The following ANKS1B variants were observed in gnomAD, a reference collection of about 807,000 sequenced individuals.
ANKS1B encodes ankyrin repeat and sterile alpha motif domain-containing protein 1B.
In ANKS1B, 36 loss-of-function variants were observed where a neutral mutation model predicts 148.3. The ratio of observed to expected loss-of-function variants is 0.24; its 90% CI spans 0.19 to 0.32. The LOEUF is 0.32. Among genes scored for constraint, ANKS1B ranks in the 10% least tolerant of loss-of-function variants. ANKS1B has a pLI of 1.00. For missense variants in ANKS1B, 1,157 were observed against 1,542.6 expected (o/e 0.75, Z 4.19); for synonymous variants, 542 against 560.8 (o/e 0.97, Z 0.47).
chr12:99,441,095 T>G (rs1435311047), intron 11 of ANKS1B, among the ~76,000 whole-genome samples: 2 of 151,904 alleles, frequency 1.3e-5, no homozygotes, highest in Non-Finnish European at 2.9e-5. Flanking sequence ...ATAAATAAAT[T>G]TTTAGAACGG....
chr12:99,483,850 C>T (rs1376633175), intron 10 of ANKS1B, among the ~76,000 whole-genome samples: 1 of 151,870 alleles, frequency 6.6e-6, no homozygotes, highest in Non-Finnish European at 1.5e-5. Context: ...GTAATGTATC[C>T]AGTTTCATTT....
At chr12:99,483,362 GATGAATT>G (rs1325374014) in intron 10 of ANKS1B, among the ~76,000 whole-genome samples, 1 of 151,916 alleles carries the variant, frequency 6.6e-6, no homozygotes, top group African/African-American at 2.4e-5. Context: ...ACTTGATCAT[GATGAATT>G]ATCTTTTTGA....
chr12:99,851,957 C>G (rs1246950319), intron 1 of ANKS1B, among the ~76,000 whole-genome samples: 4 of 152,160 alleles, frequency 2.6e-5, no homozygotes, highest in Non-Finnish European at 5.9e-5. Flanking sequence ...ACAATAAATA[C>G]TTATTAAGCT....
rs574692592 is a variant in ANKS1B at position 99,643,002 on chromosome 12, G to C, written c.1272+12065C>G. Among the ~76,000 whole-genome samples the C allele has an allele frequency of 1.3e-5, 2 of 149,620 alleles. 1 individual carries two copies. The highest frequency in any genetic ancestry group is 4.3e-4 in the South Asian group (2 of 4,626). On this transcript the variant is annotated intron_variant, in intron 9 of 26. Transcript: ENST00000683438. ...ACATTGGGCACACATTGATAATCCAGGATAATCCCCCCCCATCATAAGATC... is the reference window on the plus strand; with the variant it reads ...ACATTGGGCACACATTGATAATCCACGATAATCCCCCCCCATCATAAGATC...
chr12:99,318,985 G>A (rs137949710), intron 12 of ANKS1B, among the ~76,000 whole-genome samples: 1,949 of 152,286 alleles, frequency 0.013, 28 homozygotes, highest in Non-Finnish European at 0.023. Context: ...GCGGTTTTGA[G>A]TGAGTTTCTT....
At chr12:99,674,641 G>A (rs994935809) in intron 8 of ANKS1B, among the ~76,000 whole-genome samples, 2 of 151,712 alleles carry the variant, frequency 1.3e-5, no homozygotes, top group African/African-American at 4.8e-5. Flanking sequence ...AAACTATGAT[G>A]GGAAATGAGT....
chr12:99,864,521 GC>G (rs1246503017), intron 1 of ANKS1B, among the ~76,000 whole-genome samples: 1 of 152,028 alleles, frequency 6.6e-6, no homozygotes, highest in Non-Finnish European at 1.5e-5. Flanking sequence ...CTCCTTGTTT[GC>G]TGTGATAGGG....
chr12:99,038,320 A>G lies in ANKS1B; in HGVS notation c.2778+14837T>C, dbSNP rs2099956790. 2.6e-5 allele frequency among the ~76,000 whole-genome samples: 4 copies of G among 152,150 alleles called. No individual in the cohort carries two copies. In the South Asian group the frequency reaches 8.3e-4, roughly 32 times the overall value. On this transcript the variant is annotated intron_variant, in intron 17 of 26. Coordinates refer to ENST00000683438, the MANE Select transcript of ANKS1B (RefSeq NM_001352186.2). ...GAAACCTCAGGCCAAAAACATTTCCACCGATCCTTAATTCCTTTGATTTAT... is the reference window on the plus strand; with the variant it reads ...GAAACCTCAGGCCAAAAACATTTCCGCCGATCCTTAATTCCTTTGATTTAT...
At chr12:98,950,927 T>C (rs2099853167) in intron 17 of ANKS1B, among the ~76,000 whole-genome samples, 3 of 152,180 alleles carry the variant, frequency 2.0e-5, no homozygotes, top group Admixed American at 1.3e-4. Context: ...TCTCTGTGTG[T>C]TCCTTCTAAT....
chr12:99,315,487 G>GCATTTGC (rs2083905720), intron 12 of ANKS1B, among the ~76,000 whole-genome samples: 2 of 152,160 alleles, frequency 1.3e-5, no homozygotes, highest in South Asian at 4.2e-4. Flanking sequence ...GATCATTAGA[G>GCATTTGC]AAATGCAAAT....
intron 12 of ANKS1B, among the ~76,000 whole-genome samples, chr12:99,337,632 C>T (rs1339533453): frequency 6.6e-6 from 1 of 152,100 alleles, no homozygotes; most frequent in Non-Finnish European, 1.5e-5. Context: ...TGTACCCATT[C>T]TTCTTGGGAG....
At chr12:99,806,021 G>A (rs1328068423) in intron 4 of ANKS1B, among the ~76,000 whole-genome samples, 1 of 152,172 alleles carries the variant, frequency 6.6e-6, no homozygotes, top group Admixed American at 6.5e-5. Context: ...GTGTCAACAT[G>A]CTAAACACAA....
intron 1 of ANKS1B, among the ~76,000 whole-genome samples, chr12:99,894,422 C>A (rs2093295572): frequency 6.8e-6 from 1 of 147,114 alleles, no homozygotes; most frequent in Non-Finnish European, 1.5e-5. Flanking sequence ...GACAGGAGGA[C>A]TGATTGAGTC....
chr12:99,517,750 C>G (rs2096836253), intron 9 of ANKS1B, among the ~76,000 whole-genome samples: 3 of 152,020 alleles, frequency 2.0e-5, no homozygotes, highest in Admixed American at 6.6e-5. Context: ...ACTTCCAGTA[C>G]TATGCTGACT....
At chr12:99,290,089 A>G (rs1312180392) in intron 12 of ANKS1B, among the ~76,000 whole-genome samples, 1 of 151,902 alleles carries the variant, frequency 6.6e-6, no homozygotes, top group Non-Finnish European at 1.5e-5. Flanking sequence ...GAGATACTAC[A>G]ACTGATACTC....
At chr12:99,072,747 C>T (rs909420755) in intron 16 of ANKS1B, among the ~76,000 whole-genome samples, 5 of 152,134 alleles carry the variant, frequency 3.3e-5, no homozygotes, top group African/African-American at 9.7e-5. Flanking sequence ...ATTTTCTGTC[C>T]ATTTCTTGCT....
chr12:99,058,999 AGTGCTGGGATTACAGGC>A (rs56256471), intron 16 of ANKS1B, among the ~76,000 whole-genome samples: 100,249 of 151,480 alleles, frequency 0.66, 33,390 homozygotes, highest in East Asian at 0.89. Flanking sequence ...GGCCTCCCAA[AGTGCTGGGATTACAGGC>A]GTGAGCCACC....
intron 12 of ANKS1B, among the ~76,000 whole-genome samples, chr12:99,321,296 C>A (rs1242472047): frequency 1.3e-5 from 2 of 152,190 alleles, no homozygotes; most frequent in South Asian, 2.1e-4. Flanking sequence ...ATGCCCTGCC[C>A]CCAGAGGTGG....
chr12:98,768,046 A>C (rs1034360668), intron 25 of ANKS1B, among the ~76,000 whole-genome samples: 3 of 152,104 alleles, frequency 2.0e-5, no homozygotes, highest in African/African-American at 7.2e-5. Flanking sequence ...CTCACCCTAC[A>C]GTTCCCTCTT....
Sources: gnomAD v4.1 joint callset for allele counts (sites outside exome capture counted in the v4.1 genomes callset) on GRCh38, gnomAD v4.1.1 for gene constraint, MANE v1.5 for transcripts, NCBI Gene and HGNC (gene_info 2026-07-23, HGNC 2026-07-21) for gene names.